The following CELF2 variants were observed in gnomAD, a reference collection of about 807,000 sequenced individuals.
CELF2 encodes CUG triplet repeat RNA-binding protein 2.
Under a neutral mutation model 62.6 loss-of-function variants are expected in CELF2, and 8 were observed. The observed-to-expected ratio is 0.13, with a 90% CI of 0.07 to 0.23. The LOEUF (loss-of-function observed/expected upper bound fraction) is 0.23, where lower values mean the gene tolerates loss of function less well. Ranked by LOEUF, CELF2 falls within the 10% of genes least tolerant of loss-of-function variation. The pLI, the probability that CELF2 is intolerant of heterozygous loss-of-function variation, is 1.00. For missense variants in CELF2, 333 were observed against 671.0 expected, an observed-to-expected ratio of 0.50 and a Z score of 5.56; for synonymous variants, 258 against 250.0, an observed-to-expected ratio of 1.03 and a Z score of -0.30.
intron 1 of CELF2, among the ~76,000 whole-genome samples, chr10:10,881,523 C>T (rs1189876808): frequency 1.3e-5 from 2 of 152,160 alleles, no homozygotes; most frequent in South Asian, 2.1e-4. Flanking sequence ...AAAGGTAAAC[C>T]CACCCTCCAG....
the CELF2 span, among the ~76,000 whole-genome samples, chr10:10,743,555 G>C: frequency 6.6e-6 from 1 of 152,210 alleles, no homozygotes; most frequent in Non-Finnish European, 1.5e-5. Flanking sequence ...GGCAACTTAT[G>C]AGTGCAAGAA....
At chr10:10,912,727 G>A (rs2063925582) in intron 1 of CELF2, among the ~76,000 whole-genome samples, 1 of 152,166 alleles carries the variant, frequency 6.6e-6, no homozygotes, top group African/African-American at 2.4e-5. Flanking sequence ...AAGGGGTGCA[G>A]GAGTATACAG....
At chr10:11,240,511 G>C (rs1415037489) in intron 3 of CELF2, among the ~76,000 whole-genome samples, 1 of 152,214 alleles carries the variant, frequency 6.6e-6, no homozygotes, top group Admixed American at 6.5e-5. Flanking sequence ...CACTGTGTGA[G>C]TTTTGAACCT....
intron 2 of CELF2, among the ~76,000 whole-genome samples, chr10:11,167,492 G>A (rs903074684): frequency 2.0e-5 from 3 of 152,154 alleles, no homozygotes; most frequent in African/African-American, 4.8e-5. Flanking sequence ...GCCTGGTTCC[G>A]GGACTTTCAG....
rs1004333464 is a variant in CELF2, at chr10:11,285,831, G to A, written c.842-2587G>A. ...CATCACCTACTATATATATTGGTGT[G>A]TGTGTGTGTGTGTGTGTGTGTGTGT... On this transcript the variant is annotated intron_variant, in intron 8 of 12. Transcript: ENST00000633077. This position sits in a 1 kb window ranked among gnomAD's most constrained non-coding sequence, Gnocchi z 4.3. Among the ~76,000 whole-genome samples the A allele has an allele frequency of 7.3e-5, 1 of 13,752 alleles. No individual in the cohort carries two copies. The highest frequency in any genetic ancestry group is 2.4e-4 in the African/African-American group (1 of 4,250). 9.0% of individuals were successfully genotyped at this position (13,752 alleles called of 152,430 possible).
At chr10:11,274,925 G>C in intron 7 of CELF2, 132 bp from the exon 8 acceptor site, 1 of 768,666 alleles carries the variant, frequency 1.3e-6, no homozygotes, top group African/African-American at 1.7e-5. Context: ...CAGCTCTGGG[G>C]ACCTTCAGTC....
chr10:10,873,395 T>C (rs1163599285), intron 1 of CELF2, among the ~76,000 whole-genome samples: 3 of 152,196 alleles, frequency 2.0e-5, no homozygotes, highest in African/African-American at 7.2e-5. Flanking sequence ...GTAACAGTAT[T>C]AGTGATAAAA....
chr10:10,622,901 G>A, the CELF2 span, among the ~76,000 whole-genome samples: 1 of 151,324 alleles, frequency 6.6e-6, no homozygotes, highest in Non-Finnish European at 1.5e-5. Flanking sequence ...AGACCACTGT[G>A]AAACCCCATC....
chr10:10,655,779 A>T, the CELF2 span, among the ~76,000 whole-genome samples: 9 of 134,440 alleles, frequency 6.7e-5, no homozygotes, highest in Admixed American at 6.8e-4. Flanking sequence ...CTAGAAGAAA[A>T]CCTAGGCATT....
chr10:10,829,937 T>G (rs1343448868), intron 1 of CELF2, among the ~76,000 whole-genome samples: 1 of 152,158 alleles, frequency 6.6e-6, no homozygotes, highest in Non-Finnish European at 1.5e-5. Context: ...ACAACTACCT[T>G]TTCCAAAATC....
chr10:10,779,472 C>A, the CELF2 span, among the ~76,000 whole-genome samples: 1 of 152,086 alleles, frequency 6.6e-6, no homozygotes, highest in Non-Finnish European at 1.5e-5. Context: ...ATTCTCCACC[C>A]TTCCTTCTCC....
chr10:11,114,475 A>G (rs2056069738), intron 1 of CELF2, among the ~76,000 whole-genome samples: 1 of 152,224 alleles, frequency 6.6e-6, no homozygotes, highest in East Asian at 1.9e-4. Context: ...ATTTGTCACA[A>G]GCCACTTAAT....
chr10:11,190,194 C>T (rs1263382923), intron 2 of CELF2, among the ~76,000 whole-genome samples: 3 of 152,168 alleles, frequency 2.0e-5, no homozygotes, highest in Non-Finnish European at 4.4e-5. Flanking sequence ...ACAGGATTCA[C>T]GTCTCATTTA....
At chr10:10,797,779 C>T (rs1323501008), upstream of CELF2, among the ~76,000 whole-genome samples, 1 of 152,136 alleles carries the variant, frequency 6.6e-6, no homozygotes, top group Non-Finnish European at 1.5e-5. Context: ...GCATAGAAGC[C>T]TCTGCTTAAG....
intron 7 of CELF2, among the ~76,000 whole-genome samples, chr10:11,273,331 G>A (rs952353819): frequency 2.0e-5 from 3 of 152,040 alleles, no homozygotes; most frequent in East Asian, 1.9e-4. Context: ...TCAGATCAGC[G>A]GCAGCCTTGG....
At chr10:10,692,264 G>A in the CELF2 span, among the ~76,000 whole-genome samples, 1 of 150,942 alleles carries the variant, frequency 6.6e-6, no homozygotes, top group South Asian at 2.1e-4. Flanking sequence ...ATTAAATAGG[G>A]AATCCTTTCC....
the CELF2 span, among the ~76,000 whole-genome samples, chr10:10,667,942 T>C: frequency 2.0e-5 from 3 of 152,268 alleles, no homozygotes; most frequent in Non-Finnish European, 4.4e-5. Context: ...CTAAATTGAC[T>C]GCTCAAATTA....
chr10:11,283,806 T>G (rs1281289253), intron 8 of CELF2, among the ~76,000 whole-genome samples: 1 of 148,800 alleles, frequency 6.7e-6, no homozygotes, highest in African/African-American at 2.5e-5. Context: ...AGATGATGAG[T>G]GGATGGGTGG....
chr10:10,844,685 G>C (rs1209079783), intron 1 of CELF2, among the ~76,000 whole-genome samples: 2 of 151,982 alleles, frequency 1.3e-5, no homozygotes, highest in African/African-American at 4.8e-5. Flanking sequence ...TTATTCTTTG[G>C]GTTTTCTTGG....
Sources: gnomAD v4.1 joint callset for allele counts (sites outside exome capture counted in the v4.1 genomes callset) on GRCh38, gnomAD v4.1.1 for gene constraint, Gnocchi (gnomAD v3.1) non-coding constraint, MANE v1.5 for transcripts, NCBI Gene and HGNC (gene_info 2026-07-23, HGNC 2026-07-21) for gene names.